Variants in PIK3R1 observed in about 807,000 individuals in gnomAD.
The protein encoded by PIK3R1 is phosphoinositide-3-kinase regulatory subunit 1.
A neutral mutation model predicts 98.0 loss-of-function variants in PIK3R1; 29 were observed. That is an observed-to-expected ratio of 0.30 (90% CI 0.22 to 0.40). The LOEUF (loss-of-function observed/expected upper bound fraction) is 0.40, where lower values mean the gene tolerates loss of function less well. Ranked by LOEUF, PIK3R1 falls within the 10% of genes least tolerant of loss-of-function variation. The probability of loss-of-function intolerance (pLI) is 1.00; values close to 1 mark genes in which losing one functional copy is unlikely to be tolerated. For missense variants in PIK3R1, 596 were observed against 872.7 expected (o/e 0.68, Z 3.99); for synonymous variants, 282 against 311.8 (o/e 0.90, Z 1.01).
chr5:68,228,515 C>A (rs1430280717), intron 2 of PIK3R1, among the ~76,000 whole-genome samples: 1 of 152,172 alleles, frequency 6.6e-6, no homozygotes, highest in Admixed American at 6.5e-5. Context: ...CCATGACTCT[C>A]CGCACATACA....
chr5:68,245,386 G>A (rs972321039), intron 2 of PIK3R1, among the ~76,000 whole-genome samples: 48 of 152,272 alleles, frequency 3.2e-4, no homozygotes, highest in African/African-American at 1.1e-3. Flanking sequence ...AGATATATAG[G>A]AGAAAGAGTT....
In PIK3R1 at chr5:68,227,025, TG is replaced by T. The variant is rs1263827748; in HGVS notation, c.334+18del. On this transcript the variant is annotated intron_variant, in intron 2 of 15. Transcript: ENST00000521381. ...GAACAACAAGGTCAGTATTGATAAG[TG>T]GTTGCTTAATGACTCCCTTTCTTTT... The T allele has an allele frequency of 6.4e-7, 1 of 1,573,344 alleles. No homozygotes were observed. Among genetic ancestry groups the T allele is most frequent in the South Asian group, 1.2e-5 (1 of 85,552 alleles).
intron 7 of PIK3R1, among the ~76,000 whole-genome samples, chr5:68,287,941 AC>A (rs1232354363): frequency 6.6e-6 from 1 of 152,206 alleles, no homozygotes; most frequent in Non-Finnish European, 1.5e-5. Flanking sequence ...CGAGTTGCTC[AC>A]AAGGGCTTTC....
chr5:68,263,317 GTTTTTT>G (rs5868529), intron 2 of PIK3R1, among the ~76,000 whole-genome samples: 2 of 148,558 alleles, frequency 1.3e-5, no homozygotes, highest in African/African-American at 4.9e-5. Context: ...GTGTGTTGTT[GTTTTTT>G]TTTAAGTGCA....
chr5:68,259,376 A>G (rs1745650322), intron 2 of PIK3R1, among the ~76,000 whole-genome samples: 1 of 152,236 alleles, frequency 6.6e-6, no homozygotes, highest in African/African-American at 2.4e-5. Context: ...ACTGAAAGTC[A>G]TTCTTCCTCT....
intron 2 of PIK3R1, among the ~76,000 whole-genome samples, chr5:68,271,220 G>A (rs1270713883): frequency 1.3e-5 from 2 of 152,158 alleles, no homozygotes; most frequent in African/African-American, 4.8e-5. Flanking sequence ...GGCAAGTGTG[G>A]GAGAGACCAG....
chr5:68,262,826 TAG>T (rs371562312), intron 2 of PIK3R1, among the ~76,000 whole-genome samples: 2 of 79,964 alleles, frequency 2.5e-5, no homozygotes, highest in Non-Finnish European at 5.2e-5. Context: ...TAGATACATG[TAG>T]ATACATGTAT....
At chr5:68,270,297 A>T (rs1367826886) in intron 2 of PIK3R1, among the ~76,000 whole-genome samples, 1 of 152,114 alleles carries the variant, frequency 6.6e-6, no homozygotes, top group Non-Finnish European at 1.5e-5. Context: ...TTTTTAAAAA[A>T]TTTTTTCAAG....
At chr5:68,295,040 C>T (rs983057470) in intron 12 of PIK3R1, 108 bp from the exon 13 acceptor site, 22 of 750,988 alleles carry the variant, frequency 2.9e-5, no homozygotes, top group Non-Finnish European at 4.3e-5. Context: ...AGAAGCCACG[C>T]TTTACCTAAG....
intron 2 of PIK3R1, among the ~76,000 whole-genome samples, chr5:68,265,366 G>T (rs1746079479): frequency 6.6e-6 from 1 of 151,862 alleles, no homozygotes; most frequent in Non-Finnish European, 1.5e-5. Context: ...GATGTGTTAG[G>T]TCAGGGTTAC....
chr5:68,255,700 A>C (rs1446783877), intron 2 of PIK3R1, among the ~76,000 whole-genome samples: 1 of 152,226 alleles, frequency 6.6e-6, no homozygotes, highest in African/African-American at 2.4e-5. Flanking sequence ...ACATACGGCT[A>C]TCAATGTGAA....
chr5:68,286,852 C>G (rs539514431), intron 7 of PIK3R1, among the ~76,000 whole-genome samples: 1 of 152,274 alleles, frequency 6.6e-6, no homozygotes, highest in African/African-American at 2.4e-5. Context: ...TCCAATGTTT[C>G]TAGCTTTAGA....
At chr5:68,257,946 T>A in intron 2 of PIK3R1, among the ~76,000 whole-genome samples, 1 of 152,218 alleles carries the variant, frequency 6.6e-6, no homozygotes, top group South Asian at 2.1e-4. Flanking sequence ...CCAAAACACA[T>A]TTTATGCTTA....
rs1580244231 is a variant in PIK3R1 at position 68,280,160 on chromosome 5, T to C, written c.635-368T>C. On this transcript the variant is annotated intron_variant, in intron 5 of 15. Transcript: ENST00000521381. The stretch of plus-strand genomic sequence containing the variant: ...AGGAGATAAGGTTCAGTTAAGTGCT[T>C]TGGGGACAGGAAACTGGTTCGTAAC... The C allele has an allele frequency of 6.9e-5, 22 of 319,660 alleles. No homozygotes were observed. In the East Asian group the frequency reaches 1.3e-3, roughly 19 times the overall value. The allele number at this position is 319,660 out of a possible 1,614,324, so 19.8% of individuals were successfully genotyped here.
At chr5:68,295,672 CTAGGATTTATTTTTACTCA>C in intron 14 of PIK3R1, 184 bp downstream of exon 14, 2 of 609,318 alleles carry the variant, frequency 3.3e-6, no homozygotes, top group Admixed American at 5.8e-5. Flanking sequence ...CTAAGGAGGA[CTAGGATTTATTTTTACTCA>C]TAATGCTGTG....
At chr5:68,218,951 C>T (rs1003020258) in intron 1 of PIK3R1, among the ~76,000 whole-genome samples, 2 of 152,116 alleles carry the variant, frequency 1.3e-5, no homozygotes, top group African/African-American at 4.8e-5. Context: ...TGCATTTTCC[C>T]ATGCCTCCTT....
At chr5:68,279,549 C>T in intron 4 of PIK3R1, 53 bp from the exon 5 acceptor site, 2 of 1,416,218 alleles carry the variant, frequency 1.4e-6, no homozygotes, top group South Asian at 1.2e-5. Context: ...ATTAGCCCAA[C>T]TGATGTATTC....
chr5:68,280,503 T>C (rs75408171), intron 5 of PIK3R1, 25 bp from the exon 6 acceptor site: 2 of 203,470 alleles, frequency 9.8e-6, no homozygotes, highest in Non-Finnish European at 1.7e-5. Context: ...CTCATTTCTC[T>C]TTTTTTTTTT....
intron 11 of PIK3R1, among the ~76,000 whole-genome samples, chr5:68,294,250 C>G (rs989955599): frequency 6.6e-6 from 1 of 152,204 alleles, no homozygotes; most frequent in African/African-American, 2.4e-5. Context: ...TCACTGGTCA[C>G]TCATGTATCT....
Sources: gnomAD v4.1 joint callset for allele counts (sites outside exome capture counted in the v4.1 genomes callset) on GRCh38, gnomAD v4.1.1 for gene constraint, MANE v1.5 for transcripts, NCBI Gene and HGNC (gene_info 2026-07-23, HGNC 2026-07-21) for gene names.